Variants in AHCYL2 observed in about 807,000 individuals in gnomAD.
AHCYL2 encodes adenosylhomocysteinase like 2, also known as S-adenosylhomocysteine hydrolase-like protein 2.
Under a neutral mutation model 81.4 loss-of-function variants are expected in AHCYL2, and 28 were observed. That is an observed-to-expected ratio of 0.34 (90% CI 0.25 to 0.47). The LOEUF is 0.47. Ranked by LOEUF, AHCYL2 falls within the 20% of genes least tolerant of loss-of-function variation. The probability of loss-of-function intolerance (pLI) is 1.00; values close to 1 mark genes in which losing one functional copy is unlikely to be tolerated. For synonymous variants in AHCYL2, 272 were observed against 290.2 expected, an observed-to-expected ratio of 0.94 and a Z score of 0.64; for missense variants, 551 against 785.1, an observed-to-expected ratio of 0.70 and a Z score of 3.56.
intron 1 of AHCYL2, among the ~76,000 whole-genome samples, chr7:129,230,242 C>T (rs1175789168): frequency 1.3e-5 from 2 of 151,484 alleles, no homozygotes; most frequent in East Asian, 1.9e-4. Context: ...GCCACCACAC[C>T]CGGCTGATTT....
chr7:129,303,923 A>G (rs919467168), intron 1 of AHCYL2, among the ~76,000 whole-genome samples: 4 of 152,112 alleles, frequency 2.6e-5, no homozygotes, highest in Non-Finnish European at 5.9e-5. Flanking sequence ...TGTCTCTACT[A>G]AAAATACAAA....
intron 1 of AHCYL2, among the ~76,000 whole-genome samples, chr7:129,321,772 G>GTTTTTTTTTTTTTTTTTTTTT (rs1217148394): frequency 2.8e-4 from 32 of 114,412 alleles, no homozygotes; most frequent in South Asian, 5.8e-4. Context: ...TTTGGTCTTG[G>GTTTTTTTTTTTTTTTTTTTTT]TTTTGTTTTT....
chr7:129,242,562 A>G (rs1794900879), intron 1 of AHCYL2, among the ~76,000 whole-genome samples: 1 of 151,926 alleles, frequency 6.6e-6, no homozygotes, highest in Admixed American at 6.6e-5. Flanking sequence ...CTAAAAATAC[A>G]AAAAATTAGC....
intron 2 of AHCYL2, chr7:129,388,817 G>GCGTGTT (rs1795319377): frequency 4.7e-6 from 2 of 429,312 alleles, no homozygotes; most frequent in Admixed American, 8.1e-5. Context: ...AAGGACCTCT[G>GCGTGTT]CGTGTTCTGA....
chr7:129,274,188 G>GA (rs1270465590), intron 1 of AHCYL2, among the ~76,000 whole-genome samples: 1 of 152,168 alleles, frequency 6.6e-6, no homozygotes, highest in Non-Finnish European at 1.5e-5. Flanking sequence ...TTTTGAATGA[G>GA]AGTGTCTATT....
At chr7:129,306,919 C>T (rs1356355765) in intron 1 of AHCYL2, among the ~76,000 whole-genome samples, 1 of 152,220 alleles carries the variant, frequency 6.6e-6, no homozygotes, top group Admixed American at 6.5e-5. Flanking sequence ...CAGGCAGAGA[C>T]TCTTGTTACC....
intron 1 of AHCYL2, among the ~76,000 whole-genome samples, chr7:129,372,070 T>C (rs1794437790): frequency 6.6e-6 from 1 of 152,142 alleles, no homozygotes; most frequent in South Asian, 2.1e-4. Flanking sequence ...CCCCAGGATA[T>C]TAAAAACACA....
intron 1 of AHCYL2, among the ~76,000 whole-genome samples, chr7:129,259,710 C>T (rs1051040412): frequency 3.3e-5 from 5 of 152,214 alleles, no homozygotes; most frequent in Admixed American, 6.5e-5. Flanking sequence ...AGAGTGAAAA[C>T]GACGACTCAC....
At chr7:129,404,544 G>A (rs570079411) in intron 7 of AHCYL2, among the ~76,000 whole-genome samples, 13 of 152,202 alleles carry the variant, frequency 8.5e-5, no homozygotes, top group African/African-American at 2.4e-4. Context: ...GTGTGGTGGC[G>A]GGCGCCTATA....
At chr7:129,383,139 A>G (rs1334721490) in intron 2 of AHCYL2, among the ~76,000 whole-genome samples, 1 of 151,390 alleles carries the variant, frequency 6.6e-6, no homozygotes, top group Non-Finnish European at 1.5e-5. Context: ...TTTCACTTGA[A>G]TGTTTTATAG....
Position 129,352,377 on chromosome 7 carries a change from A to G in AHCYL2, c.364-27261A>G, listed in dbSNP as rs191583562. Among the ~76,000 whole-genome samples the G allele has an allele frequency of 5.6e-3, 854 of 152,334 alleles. 7 individuals are homozygous for G. The highest frequency in any genetic ancestry group is 0.019 in the African/African-American group (805 of 41,566). On this transcript the variant is annotated intron_variant, in intron 1 of 16. Coordinates refer to ENST00000325006, the MANE Select transcript of AHCYL2 (RefSeq NM_015328.4). ...CCATGAGCTTGACAGCTTCCAGTCA[A>G]GCTGTCCCCGGTGTAGACCTCGTAT...
chr7:129,330,263 A>G (rs745936981), intron 1 of AHCYL2, among the ~76,000 whole-genome samples: 6 of 151,858 alleles, frequency 4.0e-5, no homozygotes, highest in Non-Finnish European at 8.8e-5. Flanking sequence ...CTCCCAAAGT[A>G]CTGGGATTTT....
chr7:129,232,286 C>G (rs1344115751), intron 1 of AHCYL2, among the ~76,000 whole-genome samples: 5 of 152,206 alleles, frequency 3.3e-5, no homozygotes, highest in Admixed American at 3.3e-4. Context: ...ACAACTTTAT[C>G]AGATGTGTAG....
At chr7:129,378,128 A>G (rs937935463) in intron 1 of AHCYL2, among the ~76,000 whole-genome samples, 2 of 152,168 alleles carry the variant, frequency 1.3e-5, no homozygotes, top group African/African-American at 2.4e-5. Flanking sequence ...CCTGGCCAAC[A>G]TGGTGAAACC....
At chr7:129,269,122 A>G (rs2694574) in intron 1 of AHCYL2, among the ~76,000 whole-genome samples, 95,752 of 145,936 alleles carry the variant, frequency 0.66, 31,761 homozygotes, top group Middle Eastern at 0.73. Flanking sequence ...TTTTTCCTAA[A>G]TGATTCCTGT....
chr7:129,344,841 C>T (rs529814838), intron 1 of AHCYL2, among the ~76,000 whole-genome samples: 1 of 152,112 alleles, frequency 6.6e-6, no homozygotes, highest in Non-Finnish European at 1.5e-5. Context: ...TGACAGGGAA[C>T]AGACTGTAGC....
chr7:129,275,826 G>C (rs1298704327), intron 1 of AHCYL2, among the ~76,000 whole-genome samples: 1 of 152,010 alleles, frequency 6.6e-6, no homozygotes. Flanking sequence ...AGTAATTGAT[G>C]GTCAAACAGA....
intron 2 of AHCYL2, 33 bp downstream of exon 2, chr7:129,379,782 G>C (rs374730957): frequency 3.1e-5 from 49 of 1,556,272 alleles, no homozygotes; most frequent in Non-Finnish European, 3.6e-5. Context: ...CCCAGCTGTT[G>C]AGGCTAATAA....
intron 1 of AHCYL2, among the ~76,000 whole-genome samples, chr7:129,359,742 A>C (rs1482876615): frequency 1.3e-5 from 2 of 152,210 alleles, no homozygotes; most frequent in Non-Finnish European, 2.9e-5. Flanking sequence ...ACTATGCAGC[A>C]AACTGAACCC....
Sources: gnomAD v4.1 joint callset for allele counts (sites outside exome capture counted in the v4.1 genomes callset) on GRCh38, gnomAD v4.1.1 for gene constraint, MANE v1.5 for transcripts, NCBI Gene and HGNC (gene_info 2026-07-23, HGNC 2026-07-21) for gene names.